The following BSPH1 variants were observed in gnomAD, a reference collection of about 807,000 sequenced individuals.
The protein encoded by BSPH1 is binder of sperm protein homolog 1.
Under a neutral mutation model 22.5 loss-of-function variants are expected in BSPH1, and 21 were observed. That is an observed-to-expected ratio of 0.93 (90% CI 0.66 to 1.35). BSPH1 has a LOEUF of 1.35. BSPH1 is among the 40% of genes most tolerant of loss of function. The pLI, the probability that BSPH1 is intolerant of heterozygous loss-of-function variation, is 0.00. For synonymous variants in BSPH1, 42 were observed against 53.6 expected (o/e 0.78, Z 0.95); for missense variants, 141 against 154.2 (o/e 0.91, Z 0.45).
chr19:47,977,779 C>T (rs1436774252), intron 3 of BSPH1: 6 of 629,330 alleles, frequency 9.5e-6, no homozygotes, highest in South Asian at 7.1e-5. Flanking sequence ...CTCTCCTAAG[C>T]GTAGAAATAT....
At chr19:47,972,881 G>A (rs185748637) in intron 5 of BSPH1, among the ~76,000 whole-genome samples, 2 of 134,526 alleles carry the variant, frequency 1.5e-5, no homozygotes, top group East Asian at 2.5e-4. Flanking sequence ...CCACACGTAC[G>A]TAATTGAGAG....
intron 5 of BSPH1, among the ~76,000 whole-genome samples, chr19:47,974,269 C>CTCTCTCTCTCTCT (rs57733472): frequency 1.3e-5 from 1 of 75,994 alleles, no homozygotes; most frequent in African/African-American, 5.4e-5. Context: ...CTCTCTCTCT[C>CTCTCTCTCTCTCT]TTTTTTTTTT....
chr19:47,976,650 T>C (rs1013811222), intron 5 of BSPH1, 60 bp downstream of exon 5: 63 of 1,312,856 alleles, frequency 4.8e-5, no homozygotes, highest in Non-Finnish European at 6.1e-5. Context: ...ACAAAAACTC[T>C]AGGTTCTTTC....
chr19:47,976,950 C>T (rs1488610962), intron 4 of BSPH1, 96 bp from the exon 5 acceptor site: 5 of 1,164,186 alleles, frequency 4.3e-6, no homozygotes, highest in Non-Finnish European at 6.1e-6. Flanking sequence ...CATATGCACA[C>T]ATGTGCATGC....
intron 5 of BSPH1, among the ~76,000 whole-genome samples, chr19:47,973,010 G>T (rs974762506): frequency 6.6e-6 from 1 of 151,784 alleles, no homozygotes; most frequent in Admixed American, 6.6e-5. Flanking sequence ...GAGGTCAGGA[G>T]ATCGAGACCA....
chr19:47,986,776 A>T, intron 1 of BSPH1, among the ~76,000 whole-genome samples: 1 of 152,102 alleles, frequency 6.6e-6, no homozygotes, highest in East Asian at 1.9e-4. Context: ...AAAATAAAAA[A>T]AATCTAGACA....
chr19:47,971,571 A>T (rs1343323856), intron 5 of BSPH1, among the ~76,000 whole-genome samples: 3 of 152,204 alleles, frequency 2.0e-5, no homozygotes, highest in Non-Finnish European at 4.4e-5. Flanking sequence ...GTCTTCTTTG[A>T]CCGAATCCCT....
chr19:47,987,661 G>A (rs1460675740), intron 1 of BSPH1, among the ~76,000 whole-genome samples: 1 of 152,108 alleles, frequency 6.6e-6, no homozygotes, highest in African/African-American at 2.4e-5. Context: ...GCCAGAGCTT[G>A]TCTTTACTAT....
rs959471164 is a variant in BSPH1, at chr19:47,978,056, G to A, written c.125-552C>T. On this transcript the variant is annotated intron_variant, in intron 3 of 5. Transcript: ENST00000344839. Reference sequence around the variant, plus strand: ...GTTATAGGTGCATACACACATACAGGCACACATACATAATTTTTTGCTACC... The same window carrying A: ...GTTATAGGTGCATACACACATACAGACACACATACATAATTTTTTGCTACC... Among the ~76,000 whole-genome samples, 17 of 109,860 alleles carry A rather than the reference G, an allele frequency of 1.5e-4. No homozygotes were observed. The East Asian group carries it at 3.5e-3, about 22-fold the overall frequency. 72.1% of individuals were successfully genotyped at this position (109,860 alleles called of 152,430 possible).
At chr19:47,989,986 G>C (rs1054365935) in intron 1 of BSPH1, among the ~76,000 whole-genome samples, 1 of 151,970 alleles carries the variant, frequency 6.6e-6, no homozygotes, top group Non-Finnish European at 1.5e-5. Flanking sequence ...GGGCATGGTG[G>C]CACGTGCCTT....
intron 1 of BSPH1, among the ~76,000 whole-genome samples, chr19:47,982,911 C>A (rs963092769): frequency 2.0e-5 from 3 of 152,002 alleles, no homozygotes; most frequent in Non-Finnish European, 2.9e-5. Context: ...TAGTCAAATA[C>A]ATAGAGACAA....
chr19:47,982,654 C>G (rs768448685), intron 1 of BSPH1, among the ~76,000 whole-genome samples: 27 of 152,090 alleles, frequency 1.8e-4, no homozygotes, highest in Non-Finnish European at 3.5e-4. Context: ...ATTTGTAAAC[C>G]CATGTTCATG....
At chr19:47,977,699 T>C (rs978287512) in intron 3 of BSPH1, 195 bp from the exon 4 acceptor site, 62 of 984,820 alleles carry the variant, frequency 6.3e-5, no homozygotes, top group Non-Finnish European at 7.4e-5. Flanking sequence ...TTCCTGCCCC[T>C]GCCCTACTTC....
At chr19:47,968,369 T>C (rs1319723977) in intron 5 of BSPH1, among the ~76,000 whole-genome samples, 160 bp from the exon 6 acceptor site, 2 of 96,260 alleles carry the variant, frequency 2.1e-5, no homozygotes, top group Non-Finnish European at 5.2e-5. Flanking sequence ...TTTTCTTTTT[T>C]TTTTTTTTTT....
rs770995161 is a variant in BSPH1, at chr19:47,977,356, A to G, written c.256+17T>C. The G allele has an allele frequency of 7.1e-6, 11 of 1,547,050 alleles. No homozygotes were observed. In the South Asian group the frequency reaches 7.2e-5, roughly 10 times the overall value. On this transcript the variant is annotated intron_variant, in intron 4 of 5. Coordinates refer to ENST00000344839, the MANE Select transcript of BSPH1 (RefSeq NM_001128326.2). ...CCAAGATTACTGCTCTGAGGTATTT[A>G]GAGACAGGACACTCACCTTCTGCAC...
chr19:47,970,061 TTTTTA>T (rs1302622281), intron 5 of BSPH1, among the ~76,000 whole-genome samples: 2 of 152,274 alleles, frequency 1.3e-5, no homozygotes, highest in South Asian at 2.1e-4. Flanking sequence ...TTTTATTTTA[TTTTTA>T]TTTTATTTTT....
chr19:47,991,483 C>G (rs1284900176), intron 1 of BSPH1, among the ~76,000 whole-genome samples: 3 of 148,346 alleles, frequency 2.0e-5, no homozygotes, highest in South Asian at 2.2e-4. Flanking sequence ...CCTCCTTCTT[C>G]TTCTCTTCCT....
chr19:47,973,817 T>C (rs1023564232), intron 5 of BSPH1, among the ~76,000 whole-genome samples: 1 of 152,214 alleles, frequency 6.6e-6, no homozygotes, highest in Admixed American at 6.5e-5. Context: ...ACTGAGCCTC[T>C]ACCTGCTTCT....
intron 2 of BSPH1, among the ~76,000 whole-genome samples, 161 bp from the exon 3 acceptor site, chr19:47,979,760 CA>C (rs1241634694): frequency 6.6e-6 from 1 of 152,000 alleles, no homozygotes; most frequent in Non-Finnish European, 1.5e-5. Flanking sequence ...TGCTCTTTTT[CA>C]AAATGTATTT....
Sources: gnomAD v4.1 joint callset for allele counts (sites outside exome capture counted in the v4.1 genomes callset) on GRCh38, gnomAD v4.1.1 for gene constraint, MANE v1.5 for transcripts, NCBI Gene and HGNC (gene_info 2026-07-23, HGNC 2026-07-21) for gene names.